Variants in TMEM108 observed in about 807,000 individuals in gnomAD.
The protein encoded by TMEM108 is cancer/testis antigen 124.
Under a neutral mutation model 35.1 loss-of-function variants are expected in TMEM108, and 12 were observed. The observed-to-expected ratio is 0.34, with a 90% CI of 0.22 to 0.55. TMEM108 has a LOEUF of 0.55. TMEM108 is among the 20% of genes least tolerant of loss of function. The pLI is 0.89. For missense variants in TMEM108, 680 were observed against 753.3 expected, an observed-to-expected ratio of 0.90 and a Z score of 1.14; for synonymous variants, 287 against 308.6, an observed-to-expected ratio of 0.93 and a Z score of 0.73.
At chr3:133,116,280 C>T (rs1944287039) in intron 2 of TMEM108, among the ~76,000 whole-genome samples, 1 of 152,100 alleles carries the variant, frequency 6.6e-6, no homozygotes, top group Admixed American at 6.5e-5. Flanking sequence ...GATGTTTGCC[C>T]TTCAATTTTA....
chr3:133,258,522 G>A (rs1158708370), intron 3 of TMEM108, among the ~76,000 whole-genome samples: 1 of 152,176 alleles, frequency 6.6e-6, no homozygotes, highest in African/African-American at 2.4e-5. Context: ...TTAGGTGTTT[G>A]TGTCTCACAT....
intron 3 of TMEM108, among the ~76,000 whole-genome samples, chr3:133,254,478 C>G (rs931210143): frequency 6.6e-6 from 1 of 152,160 alleles, no homozygotes; most frequent in Non-Finnish European, 1.5e-5. Flanking sequence ...TGGAAATTCT[C>G]TTGGTAGGAA....
intron 2 of TMEM108, among the ~76,000 whole-genome samples, chr3:133,082,980 T>TTTAA (rs1943832277): frequency 1.3e-5 from 2 of 152,122 alleles, no homozygotes; most frequent in Admixed American, 1.3e-4. Context: ...AAAATACTCA[T>TTTAA]TTAATGCCCA....
At chr3:133,241,531 C>T (rs934788334) in intron 3 of TMEM108, among the ~76,000 whole-genome samples, 3 of 151,914 alleles carry the variant, frequency 2.0e-5, no homozygotes, top group African/African-American at 4.8e-5. Flanking sequence ...TGTGGGCAGC[C>T]GCATTGCTCA....
intron 3 of TMEM108, among the ~76,000 whole-genome samples, chr3:133,362,921 C>T (rs1157460854): frequency 6.6e-6 from 1 of 152,174 alleles, no homozygotes; most frequent in Non-Finnish European, 1.5e-5. Context: ...TTGTTCTTGG[C>T]TCTCTTTAGA....
At chr3:133,105,655 A>G (rs1349912656) in intron 2 of TMEM108, among the ~76,000 whole-genome samples, 1 of 151,864 alleles carries the variant, frequency 6.6e-6, no homozygotes, top group East Asian at 1.9e-4. Flanking sequence ...GTTTCTTTAG[A>G]ATTCTGCCTG....
At chr3:133,095,966 T>C (rs985849177) in intron 2 of TMEM108, among the ~76,000 whole-genome samples, 1 of 152,182 alleles carries the variant, frequency 6.6e-6, no homozygotes, top group East Asian at 1.9e-4. Flanking sequence ...AAATATTCTT[T>C]CCATTCAACA....
At chr3:133,131,478 C>T (rs1011006271) in intron 2 of TMEM108, among the ~76,000 whole-genome samples, 2 of 147,916 alleles carry the variant, frequency 1.4e-5, no homozygotes, top group Admixed American at 6.9e-5. Flanking sequence ...TATTATATCT[C>T]GTATGGTGAT....
intron 2 of TMEM108, among the ~76,000 whole-genome samples, chr3:133,170,435 G>T (rs576192646): frequency 6.6e-6 from 1 of 152,142 alleles, no homozygotes; most frequent in Non-Finnish European, 1.5e-5. Flanking sequence ...CTCAGCTAAG[G>T]TATGAGTGAA....
At chr3:133,203,907 T>C (rs1165606838) in intron 2 of TMEM108, among the ~76,000 whole-genome samples, 2 of 152,194 alleles carry the variant, frequency 1.3e-5, no homozygotes, top group East Asian at 3.8e-4. Flanking sequence ...AAAATTCAGC[T>C]GTGACTCCAT....
chr3:133,195,886 C>T (rs1945568769), intron 2 of TMEM108, among the ~76,000 whole-genome samples: 1 of 152,206 alleles, frequency 6.6e-6, no homozygotes, highest in Admixed American at 6.5e-5. Flanking sequence ...TTGCTGTGGT[C>T]TTCTCTTTAC....
At chr3:133,064,982 A>G (rs1943578218) in intron 2 of TMEM108, among the ~76,000 whole-genome samples, 1 of 152,150 alleles carries the variant, frequency 6.6e-6, no homozygotes, top group Non-Finnish European at 1.5e-5. Flanking sequence ...AGATCTGGAA[A>G]GTCCTGAGAT....
chr3:133,044,084 G>A (rs190630732), intron 1 of TMEM108, among the ~76,000 whole-genome samples: 9 of 152,182 alleles, frequency 5.9e-5, no homozygotes, highest in Non-Finnish European at 1.2e-4. Flanking sequence ...CATCTTTTTG[G>A]CTATGTATCT....
intron 1 of TMEM108, among the ~76,000 whole-genome samples, chr3:133,039,079 A>G (rs1943242013): frequency 6.6e-6 from 1 of 151,418 alleles, no homozygotes; most frequent in Non-Finnish European, 1.5e-5. Context: ...GAATCCAGAG[A>G]TTGGTTCAGG....
intron 2 of TMEM108, among the ~76,000 whole-genome samples, chr3:133,151,674 T>G (rs1944803647): frequency 6.6e-6 from 1 of 152,138 alleles, no homozygotes; most frequent in African/African-American, 2.4e-5. Context: ...GCTTAATGGT[T>G]TATAACCTAA....
intron 2 of TMEM108, among the ~76,000 whole-genome samples, chr3:133,193,971 CTG>C (rs1199301273): frequency 6.8e-6 from 1 of 146,270 alleles, no homozygotes; most frequent in Admixed American, 6.9e-5. Context: ...GAGCCTCACT[CTG>C]TCACTCAGGC....
At chr3:133,287,678 A>G (rs1947004679) in intron 3 of TMEM108, among the ~76,000 whole-genome samples, 1 of 152,246 alleles carries the variant, frequency 6.6e-6, no homozygotes. Context: ...TATACTTATC[A>G]CCTAAAACAA....
At chr3:133,294,797 A>C (rs1164312188) in intron 3 of TMEM108, among the ~76,000 whole-genome samples, 2 of 152,184 alleles carry the variant, frequency 1.3e-5, no homozygotes, top group Admixed American at 1.3e-4. Context: ...AATTGGGGTA[A>C]TTTCAGATTT....
At chr3:133,120,465 C>T (rs1944339043) in intron 2 of TMEM108, among the ~76,000 whole-genome samples, 1 of 152,144 alleles carries the variant, frequency 6.6e-6, no homozygotes. Flanking sequence ...GTCTTTGCCT[C>T]TTACTGTACT....
Sources: allele counts gnomAD v4.1 joint callset (sites outside exome capture counted in the v4.1 genomes callset), GRCh38; gene constraint gnomAD v4.1.1; transcripts MANE v1.5; gene names NCBI Gene and HGNC (gene_info 2026-07-23, HGNC 2026-07-21).